PRRG4: variants seen among roughly 807,000 people sequenced by gnomAD.
PRRG4 encodes proline rich and Gla domain 4.
PRRG4 carries 12 observed loss-of-function variants against 20.0 expected under a neutral mutation model. The ratio of observed to expected loss-of-function variants is 0.60; its 90% CI spans 0.38 to 0.97. PRRG4 has a LOEUF of 0.97. Among genes scored for constraint, PRRG4 ranks in the 50% least tolerant of loss-of-function variants. The pLI is 0.00. For synonymous variants in PRRG4, 94 were observed against 96.4 expected, an observed-to-expected ratio of 0.98 and a Z score of 0.15; for missense variants, 199 against 265.1, an observed-to-expected ratio of 0.75 and a Z score of 1.73.
upstream of PRRG4, chr11:32,829,855 C>T: frequency 2.0e-6 from 2 of 985,422 alleles, no homozygotes; most frequent in Non-Finnish European, 2.4e-6. Context: ...CCCGCCCGCT[C>T]GCCGCAGGTA....
chr11:32,838,834 T>G, intron 3 of PRRG4, 48 bp from the exon 4 acceptor site: 1 of 1,384,866 alleles, frequency 7.2e-7, no homozygotes. Flanking sequence ...AAATGAAATG[T>G]GATAATAAAG....
chr11:32,854,275 G>T lies in PRRG4; in HGVS notation c.*748G>T, dbSNP rs1020097470. ...AACCATTAAGATTATCCAAAGTCAGGCTGGGCGCAGTGGCTCACGCCTGTA... is the reference window on the plus strand; with the variant it reads ...AACCATTAAGATTATCCAAAGTCAGTCTGGGCGCAGTGGCTCACGCCTGTA... On this transcript the variant is annotated 3_prime_UTR_variant, in exon 6 of 6. Coordinates refer to ENST00000257836, the MANE Select transcript of PRRG4 (RefSeq NM_024081.6). 10 of 152,238 alleles carry T rather than the reference G, an allele frequency of 6.6e-5. No homozygotes were observed. Among genetic ancestry groups the T allele is most frequent in the African/African-American group, 1.9e-4 (8 of 41,442 alleles). The allele number at this position is 152,238 out of a possible 1,614,324, so 9.4% of individuals were successfully genotyped here.
chr11:32,834,938 C>T (rs1565113024), intron 2 of PRRG4, among the ~76,000 whole-genome samples: 2 of 152,108 alleles, frequency 1.3e-5, no homozygotes, highest in South Asian at 2.1e-4. Context: ...CTCAGCCTCT[C>T]GAGTAGCTGG....
At chr11:32,846,727 C>T (rs993944228) in intron 5 of PRRG4, among the ~76,000 whole-genome samples, 4 of 152,058 alleles carry the variant, frequency 2.6e-5, no homozygotes, top group East Asian at 1.9e-4. Context: ...GGGCCACACG[C>T]GGTGGCTCAT....
rs1424300009 is a variant in PRRG4, at chr11:32,837,535, GATGATGATTATTATT to G, written c.267+717_267+731del. Among the ~76,000 whole-genome samples, 827 of 103,366 alleles carry G rather than the reference GATGATGATTATTATT, an allele frequency of 8.0e-3. 7 individuals carry two copies. Among genetic ancestry groups the G allele is most frequent in the African/African-American group, 0.025 (689 of 27,916 alleles). The allele number at this position is 103,366 out of a possible 152,430, so 67.8% of individuals were successfully genotyped here. On this transcript the variant is annotated intron_variant, in intron 3 of 5. Transcript: ENST00000257836. ...TGATGATGATGATGATGATGATGAT[GATGATGATTATTATT>G]ATTATTATTATTATTATTATTATTA... is the stretch of plus-strand genomic sequence containing the variant.
intron 2 of PRRG4, 122 bp from the exon 3 acceptor site, chr11:32,836,536 T>C (rs1298533216): frequency 4.3e-6 from 2 of 468,280 alleles, no homozygotes; most frequent in African/African-American, 3.9e-5. Context: ...TTTAAAACTT[T>C]ACAAAAAAGT....
chr11:32,852,975 A>T (rs559778837), intron 5 of PRRG4, among the ~76,000 whole-genome samples: 210 of 130,784 alleles, frequency 1.6e-3, no homozygotes, highest in African/African-American at 5.9e-3. Flanking sequence ...TTTTTAGTAG[A>T]GACAGGGTTT....
chr11:32,852,303 G>C (rs1007452128), intron 5 of PRRG4, among the ~76,000 whole-genome samples: 40 of 152,292 alleles, frequency 2.6e-4, no homozygotes, highest in African/African-American at 9.6e-4. Context: ...TTGAAGAGAA[G>C]GCACGGGACT....
intron 2 of PRRG4, among the ~76,000 whole-genome samples, chr11:32,836,089 G>A (rs1050290785): frequency 1.3e-5 from 2 of 151,934 alleles, no homozygotes; most frequent in Admixed American, 1.3e-4. Context: ...GTGACAGAGT[G>A]AGGCCCCCTC....
chr11:32,852,939 A>ATTTTT (rs34615143), intron 5 of PRRG4, among the ~76,000 whole-genome samples: 16 of 99,108 alleles, frequency 1.6e-4, no homozygotes, highest in Admixed American at 2.4e-4. Flanking sequence ...TGCCCGGCTA[A>ATTTTT]TTTTTTTTTT....
intron 5 of PRRG4, among the ~76,000 whole-genome samples, chr11:32,852,372 G>A (rs1271830967): frequency 6.6e-6 from 1 of 152,176 alleles, no homozygotes; most frequent in Non-Finnish European, 1.5e-5. Context: ...GAAGAATGAC[G>A]TGAAGAAAGT....
intron 2 of PRRG4, 46 bp downstream of exon 2, chr11:32,830,678 T>G (rs1590665249): frequency 1.2e-6 from 2 of 1,611,814 alleles, no homozygotes; most frequent in Non-Finnish European, 1.7e-6. Flanking sequence ...ATAGCACAGA[T>G]CTCAGTGAGA....
chr11:32,843,766 G>A (rs1445947920), intron 5 of PRRG4, among the ~76,000 whole-genome samples: 9 of 146,482 alleles, frequency 6.1e-5, no homozygotes, highest in African/African-American at 2.3e-4. Flanking sequence ...GTGAAGTTCT[G>A]TGCCCAGTGA....
At chr11:32,833,497 T>C (rs12800054) in intron 2 of PRRG4, among the ~76,000 whole-genome samples, 15,625 of 152,126 alleles carry the variant, frequency 0.1, 848 homozygotes, top group Non-Finnish European at 0.13. Flanking sequence ...CTGGACATAT[T>C]TGAGAAGTAT....
rs572631422 is a variant in PRRG4, at chr11:32,841,864, C to G, written c.449+1625C>G. Among the ~76,000 whole-genome samples, 4 of 152,116 alleles carry G rather than the reference C, an allele frequency of 2.6e-5. No individual in the cohort carries two copies. In the East Asian group the frequency reaches 7.7e-4, roughly 29 times the overall value. ...TACATGTTAGATAATAGTAATGAAC[C>G]AATGTTAAGTATTCCAAATTTATGT... On this transcript the variant is annotated intron_variant, in intron 5 of 5. Transcript: ENST00000257836.
rs138704678 is a variant in PRRG4 at position 32,853,426 on chromosome 11, G to A, written c.580G>A (p.Ala194Thr). 6.2e-7 allele frequency: 1 copy of A among 1,614,088 alleles called. No individual in the cohort carries two copies. Among genetic ancestry groups the A allele is most frequent in the Non-Finnish European group, 8.5e-7 (1 of 1,180,016 alleles). Residue 194 changes from alanine (A) to threonine (T), a missense_variant, in exon 6 of 6, where the codon GCG becomes ACG. Coordinates refer to ENST00000257836, the MANE Select transcript of PRRG4 (RefSeq NM_024081.6). ...ATTACCTTCTTATGAACAGGCAGTG[G>A]CGCTGACCAGAAAACACAGTGTTTC... ...AGLPSYEQAV[A>T]LTRKHSVSPP...
chr11:32,848,864 C>T (rs530807348), intron 5 of PRRG4, among the ~76,000 whole-genome samples: 2 of 151,414 alleles, frequency 1.3e-5, no homozygotes, highest in African/African-American at 2.4e-5. Context: ...CCCAGCTACT[C>T]GGGAGGCTGT....
upstream of PRRG4, chr11:32,829,847 C>T (rs1015262695): frequency 1.0e-6 from 1 of 985,302 alleles, no homozygotes; most frequent in Non-Finnish European, 1.2e-6. Flanking sequence ...GCCCACTGCC[C>T]GCCCGCTCGC....
At chr11:32,842,413 T>C (rs1358438703) in intron 5 of PRRG4, among the ~76,000 whole-genome samples, 2 of 152,298 alleles carry the variant, frequency 1.3e-5, no homozygotes, top group South Asian at 2.1e-4. Context: ...TTAGAGTTTT[T>C]AAAGTTATTT....
Sources: gnomAD v4.1 joint callset for allele counts (sites outside exome capture counted in the v4.1 genomes callset) on GRCh38, gnomAD v4.1.1 for gene constraint, MANE v1.5 for transcripts, NCBI Gene and HGNC (gene_info 2026-07-23, HGNC 2026-07-21) for gene names.